Variants in RPH3A observed in about 807,000 individuals in gnomAD.
RPH3A encodes rabphilin 3A, also known as rabphilin-3A.
RPH3A carries 48 observed loss-of-function variants against 102.2 expected under a neutral mutation model. The ratio of observed to expected loss-of-function variants is 0.47; its 90% CI spans 0.37 to 0.60. RPH3A has a LOEUF of 0.60. RPH3A is among the 20% of genes least tolerant of loss of function. RPH3A has a pLI of 0.00. For missense variants in RPH3A, 781 were observed against 910.1 expected (o/e 0.86, Z 1.83); for synonymous variants, 310 against 324.3 (o/e 0.96, Z 0.47).
At chr12:112,610,375 C>T (rs494273) in intron 1 of RPH3A, among the ~76,000 whole-genome samples, 50,741 of 151,458 alleles carry the variant, frequency 0.34, 9,659 homozygotes, top group Non-Finnish European at 0.41. Flanking sequence ...TGGTGGTAGG[C>T]GCCTGTAATT....
At chr12:112,619,369 T>G (rs1372976493) in intron 1 of RPH3A, among the ~76,000 whole-genome samples, 5 of 151,822 alleles carry the variant, frequency 3.3e-5, no homozygotes, top group Non-Finnish European at 5.9e-5. Context: ...CATTGCAACC[T>G]CTGCCTCCCA....
chr12:112,590,868 T>C (rs1177733592), intron 1 of RPH3A, among the ~76,000 whole-genome samples: 1 of 151,994 alleles, frequency 6.6e-6, no homozygotes, highest in African/African-American at 2.4e-5. Context: ...ACTGCAATCA[T>C]AGCTCAACCT....
intron 1 of RPH3A, among the ~76,000 whole-genome samples, chr12:112,616,929 C>T (rs1028325362): frequency 9.9e-5 from 15 of 152,216 alleles, no homozygotes; most frequent in African/African-American, 3.6e-4. Flanking sequence ...GAGAGCATCC[C>T]TTCCTCCCTG....
chr12:112,893,704 T>C (rs1488197855), intron 19 of RPH3A: 4 of 152,132 alleles, frequency 2.6e-5, no homozygotes, highest in African/African-American at 9.7e-5. Flanking sequence ...ATTTTTGTTA[T>C]TTTTTATAGA....
chr12:112,757,862 C>A (rs2040831878), intron 1 of RPH3A, among the ~76,000 whole-genome samples: 1 of 152,168 alleles, frequency 6.6e-6, no homozygotes, highest in Non-Finnish European at 1.5e-5. Context: ...AGGTGTCACA[C>A]TCAGCTTGTG....
At chr12:112,690,639 C>G (rs897557302) in intron 1 of RPH3A, among the ~76,000 whole-genome samples, 3 of 152,102 alleles carry the variant, frequency 2.0e-5, no homozygotes, top group African/African-American at 7.2e-5. Context: ...ACATAGCTTC[C>G]CCACCCACTG....
Position 112,879,022 on chromosome 12 carries a change from A to G in RPH3A, c.1172-97A>G, listed in dbSNP as rs2042857636. 4 of 1,116,052 alleles carry G rather than the reference A, an allele frequency of 3.6e-6. No individual in the cohort carries two copies. In the African/African-American group the frequency reaches 4.7e-5, roughly 13 times the overall value. 69.1% of individuals were successfully genotyped at this position (1,116,052 alleles called of 1,614,324 possible). A position where few individuals can be genotyped will look rare whatever the true frequency, so the allele number is the denominator to read the frequency against. On this transcript the variant is annotated intron_variant, in intron 13 of 21. Coordinates refer to ENST00000389385, the MANE Select transcript of RPH3A (RefSeq NM_001143854.2). ...AGTTTTCTTCTCTTCTGTGGTCTCA[A>G]TTCACAGCCCAGCCTGGGCATATAG...
intron 1 of RPH3A, among the ~76,000 whole-genome samples, chr12:112,604,746 C>A (rs1302477808): frequency 6.6e-6 from 1 of 152,340 alleles, no homozygotes; most frequent in African/African-American, 2.4e-5. Context: ...GGCTGCCACC[C>A]TCTGAAGGCT....
chr12:112,747,334 T>C lies in RPH3A; in HGVS notation c.-139-44809T>C, dbSNP rs57281046. Among the ~76,000 whole-genome samples, 504 of 152,294 alleles carry C rather than the reference T, an allele frequency of 3.3e-3. 5 individuals are homozygous for C. Among genetic ancestry groups the C allele is most frequent in the African/African-American group, 0.011 (472 of 41,560 alleles). ...GCCCTTCCACCATGTGAGGACACAG[T>C]GAAAAGACGGCCATTTATGAACCAG... On this transcript the variant is annotated intron_variant, in intron 1 of 21. Transcript: ENST00000543106.
chr12:112,776,491 T>C (rs188580177), intron 1 of RPH3A, among the ~76,000 whole-genome samples: 7 of 152,244 alleles, frequency 4.6e-5, no homozygotes, highest in African/African-American at 1.4e-4. Flanking sequence ...TTCTATCTTA[T>C]GTGGCTTCTC....
intron 1 of RPH3A, among the ~76,000 whole-genome samples, chr12:112,708,492 C>T (rs751494901): frequency 1.3e-5 from 2 of 152,110 alleles, no homozygotes; most frequent in African/African-American, 2.4e-5. Context: ...AGCAAGTGTT[C>T]GTGGAGAGTC....
At chr12:112,887,091 T>C (rs1278066466) in intron 16 of RPH3A, among the ~76,000 whole-genome samples, 2 of 152,188 alleles carry the variant, frequency 1.3e-5, no homozygotes, top group Non-Finnish European at 2.9e-5. Context: ...GAAAACTGTT[T>C]TGAAGTTTCT....
intron 1 of RPH3A, among the ~76,000 whole-genome samples, chr12:112,748,650 A>G (rs1422024420): frequency 6.6e-6 from 1 of 152,120 alleles, no homozygotes; most frequent in Non-Finnish European, 1.5e-5. Flanking sequence ...CCACTCTTGA[A>G]CATTCTTATA....
intron 1 of RPH3A, among the ~76,000 whole-genome samples, chr12:112,621,942 G>A (rs2039732246): frequency 2.0e-5 from 3 of 149,722 alleles, no homozygotes; most frequent in African/African-American, 7.5e-5. Context: ...CCCCCAGCAG[G>A]GGCACACTGA....
At chr12:112,577,132 C>T (rs563683832) in intron 1 of RPH3A, among the ~76,000 whole-genome samples, 2 of 151,872 alleles carry the variant, frequency 1.3e-5, no homozygotes, top group East Asian at 3.9e-4. Flanking sequence ...AAATTCGGGG[C>T]GAGTACATAG....
In RPH3A at chr12:112,677,464, TCC is replaced by T. The variant is rs1480776893; in HGVS notation, c.-140+102146_-140+102147del. ...TTCCTTCCTTCCTTCCTTCCTTCCT[TCC>T]TTCCTTCCTTCCTTCCTTCCCTCTT... On this transcript the variant is annotated intron_variant, in intron 1 of 21. Coordinates refer to the RPH3A transcript ENST00000543106. Among the ~76,000 whole-genome samples, 191 of 139,018 alleles carry T rather than the reference TCC, an allele frequency of 1.4e-3. 3 individuals are homozygous for T. The highest frequency in any genetic ancestry group is 4.9e-3 in the African/African-American group (175 of 36,030). The allele number at this position is 139,018 out of a possible 152,430, so 91.2% of individuals were successfully genotyped here. A position where few individuals can be genotyped will look rare whatever the true frequency, so the allele number is the denominator to read the frequency against.
At chr12:112,673,145 A>G (rs2040146871) in intron 1 of RPH3A, among the ~76,000 whole-genome samples, 1 of 151,986 alleles carries the variant, frequency 6.6e-6, no homozygotes, top group South Asian at 2.1e-4. Context: ...CCCCTTCCAA[A>G]TAAACACCTT....
chr12:112,656,294 G>A (rs889154636), intron 1 of RPH3A, among the ~76,000 whole-genome samples: 1 of 152,154 alleles, frequency 6.6e-6, no homozygotes, highest in Non-Finnish European at 1.5e-5. Flanking sequence ...CCTCAACCTT[G>A]GCAAATCCTT....
chr12:112,825,563 G>A (rs545013609), intron 2 of RPH3A, among the ~76,000 whole-genome samples: 2 of 152,242 alleles, frequency 1.3e-5, no homozygotes, highest in East Asian at 3.9e-4. Context: ...CCTTCAGAGG[G>A]GTGGGGTCGG....
Sources: gnomAD v4.1 joint callset for allele counts (sites outside exome capture counted in the v4.1 genomes callset) on GRCh38, gnomAD v4.1.1 for gene constraint, MANE v1.5 for transcripts, NCBI Gene and HGNC (gene_info 2026-07-23, HGNC 2026-07-21) for gene names.